The following PCSK5 variants were observed in gnomAD, a reference collection of about 807,000 sequenced individuals.
The protein encoded by PCSK5 is proprotein convertase subtilisin/kexin type 5, also known as prohormone convertase 5.
In PCSK5, 129 loss-of-function variants were observed where a neutral mutation model predicts 233.2. That is an observed-to-expected ratio of 0.55 (90% CI 0.48 to 0.64). PCSK5 has a LOEUF of 0.64. Ranked by LOEUF, PCSK5 falls within the 30% of genes least tolerant of loss-of-function variation. The pLI is 0.00. For synonymous variants in PCSK5, 825 were observed against 879.2 expected (o/e 0.94, Z 1.09); for missense variants, 2,076 against 2,430.1 (o/e 0.85, Z 3.06).
chr9:76,230,391 A>G (rs768288707), intron 21 of PCSK5, among the ~76,000 whole-genome samples: 1 of 152,248 alleles, frequency 6.6e-6, no homozygotes, highest in African/African-American at 2.4e-5. Flanking sequence ...CCTTTCCTAC[A>G]TAAACATGGA....
chr9:76,180,087 G>GTATATA (rs1554701013), intron 15 of PCSK5, among the ~76,000 whole-genome samples: 4,087 of 132,512 alleles, frequency 0.031, 91 homozygotes, highest in Middle Eastern at 0.05. Context: ...GTGTGTGTGT[G>GTATATA]TATATATATA....
intron 7 of PCSK5, among the ~76,000 whole-genome samples, chr9:76,095,614 G>T (rs1831478099): frequency 6.6e-6 from 1 of 152,182 alleles, no homozygotes. Context: ...ATCCTTGAAA[G>T]AATTCAATGC....
At chr9:76,276,444 C>G (rs1339115648) in intron 24 of PCSK5, among the ~76,000 whole-genome samples, 2 of 152,166 alleles carry the variant, frequency 1.3e-5, no homozygotes, top group African/African-American at 2.4e-5. Context: ...AACCTCCTAT[C>G]CTGGCCTATA....
In PCSK5 at chr9:76,239,036, G is replaced by A. The variant is rs1198445075; in HGVS notation, c.2944G>A (p.Gly982Arg). Reference sequence around the variant, plus strand: ...CCCAGAGGGCCACTATGCCACTGAGGGGAACACCTGCCTGCCCTGCCCAGA... The same window carrying A: ...CCCAGAGGGCCACTATGCCACTGAGAGGAACACCTGCCTGCCCTGCCCAGA... The part of the protein sequence containing the change: ...SCPEGHYATE[G>R]NTCLPCPDNC... Residue 982 changes from glycine to arginine, a missense_variant, in exon 23 of 38, where the codon GGG (glycine) becomes AGG (arginine). By Grantham distance (125) the Gly-to-Arg change is moderately radical (BLOSUM62 -2). Coordinates refer to ENST00000674117, the MANE Select transcript of PCSK5 (RefSeq NM_001372043.1). 5.0e-6 allele frequency: 8 copies of A among 1,611,862 alleles called. No individual in the cohort carries two copies. The highest frequency in any genetic ancestry group is 5.9e-6 in the Non-Finnish European group (7 of 1,179,568).
intron 2 of PCSK5, among the ~76,000 whole-genome samples, chr9:75,968,900 A>G (rs558719882): frequency 2.6e-5 from 4 of 152,128 alleles, no homozygotes; most frequent in Admixed American, 6.5e-5. Flanking sequence ...AGATGTCGTT[A>G]TGTACATTAC....
chr9:76,188,770 T>C, intron 18 of PCSK5, 95 bp downstream of exon 18: 1 of 842,928 alleles, frequency 1.2e-6, no homozygotes, highest in Non-Finnish European at 2.0e-6. Context: ...TTGATACTTT[T>C]AAAGTAATGC....
intron 5 of PCSK5, among the ~76,000 whole-genome samples, chr9:76,059,824 AC>A (rs763987245): frequency 2.2e-4 from 34 of 152,296 alleles, no homozygotes; most frequent in Non-Finnish European, 4.3e-4. Context: ...GGATAAAAAA[AC>A]GTCAAATAGA....
rs141177383 is a variant in PCSK5, at chr9:76,123,757, G to C, written c.1209-10352G>C. ...TATTTTATTTTGACCTTCAGAGTCT[G>C]TATTTGTTGATGGTCAGTTTTCTCA... On this transcript the variant is annotated intron_variant, in intron 9 of 37. Transcript: ENST00000674117. Among the ~76,000 whole-genome samples the C allele has an allele frequency of 2.4e-3, 364 of 152,242 alleles. 1 individual carries two copies. Among genetic ancestry groups the C allele is most frequent in the African/African-American group, 8.4e-3 (349 of 41,568 alleles).
intron 5 of PCSK5, among the ~76,000 whole-genome samples, chr9:76,062,521 A>T (rs1238990832): frequency 6.6e-6 from 1 of 152,224 alleles, no homozygotes; most frequent in African/African-American, 2.4e-5. Flanking sequence ...GATGAAAGAG[A>T]TTGGAAAACT....
At chr9:76,001,468 C>CTTTTTTTTTTT (rs34379742) in intron 3 of PCSK5, among the ~76,000 whole-genome samples, 2 of 87,150 alleles carry the variant, frequency 2.3e-5, no homozygotes, top group Non-Finnish European at 4.1e-5. Context: ...ACCATCATAG[C>CTTTTTTTTTTT]TTTTTTTTTT....
chr9:76,219,284 A>G (rs1825645181), intron 20 of PCSK5, among the ~76,000 whole-genome samples: 1 of 152,186 alleles, frequency 6.6e-6, no homozygotes, highest in Non-Finnish European at 1.5e-5. Context: ...AAAGAGAAAG[A>G]GGGTAATTTG....
chr9:75,980,426 A>G (rs1310980158), intron 2 of PCSK5, among the ~76,000 whole-genome samples: 1 of 152,130 alleles, frequency 6.6e-6, no homozygotes, highest in Non-Finnish European at 1.5e-5. Context: ...AAAATTAATG[A>G]TTCTTCACAT....
At chr9:76,125,922 G>A (rs982073426) in intron 9 of PCSK5, among the ~76,000 whole-genome samples, 3 of 150,726 alleles carry the variant, frequency 2.0e-5, no homozygotes, top group East Asian at 3.9e-4. Context: ...TTTATAGCAG[G>A]AAAGCAAAGT....
At chr9:75,911,563 A>T (rs183409929) in intron 1 of PCSK5, among the ~76,000 whole-genome samples, 144 of 152,158 alleles carry the variant, frequency 9.5e-4, no homozygotes, top group African/African-American at 2.7e-3. Flanking sequence ...GCTTAGAAAT[A>T]AATCACCCGA....
At chr9:76,173,611 T>C (rs1000992395) in intron 13 of PCSK5, among the ~76,000 whole-genome samples, 1 of 149,122 alleles carries the variant, frequency 6.7e-6, no homozygotes, top group Non-Finnish European at 1.5e-5. Flanking sequence ...AAAATGTTCC[T>C]TGTAAGTGAT....
chr9:76,298,559 A>G (rs890155122), intron 27 of PCSK5, among the ~76,000 whole-genome samples: 2 of 152,214 alleles, frequency 1.3e-5, no homozygotes, highest in Non-Finnish European at 2.9e-5. Flanking sequence ...TAGTGTAAGC[A>G]CTGAAATGGA....
intron 3 of PCSK5, among the ~76,000 whole-genome samples, chr9:76,021,733 T>C (rs1489166441): frequency 2.0e-5 from 3 of 152,124 alleles, no homozygotes. Flanking sequence ...ATAAATTAAT[T>C]AACAAATTTA....
intron 1 of PCSK5, among the ~76,000 whole-genome samples, chr9:75,914,311 CT>C (rs1169270161): frequency 6.6e-6 from 1 of 152,160 alleles, no homozygotes; most frequent in Non-Finnish European, 1.5e-5. Flanking sequence ...AAGGCACTGC[CT>C]TTTGCCCCCA....
At chr9:76,296,589 T>C in intron 26 of PCSK5, 76 bp from the exon 27 acceptor site, 1 of 868,818 alleles carries the variant, frequency 1.2e-6, no homozygotes, top group South Asian at 1.5e-5. Context: ...CCCTAAAATT[T>C]CCTCCAGCCT....
Sources: gnomAD v4.1 joint callset for allele counts (sites outside exome capture counted in the v4.1 genomes callset) on GRCh38, gnomAD v4.1.1 for gene constraint, MANE v1.5 for transcripts, NCBI Gene and HGNC (gene_info 2026-07-23, HGNC 2026-07-21) for gene names.